The following ROBO2 variants were observed in gnomAD, a reference collection of about 807,000 sequenced individuals.
The protein encoded by ROBO2 is roundabout guidance receptor 2.
ROBO2 carries 53 observed loss-of-function variants against 160.8 expected under a neutral mutation model. The ratio of observed to expected loss-of-function variants is 0.33; its 90% CI spans 0.26 to 0.41. The LOEUF is 0.41. ROBO2 is among the 10% of genes least tolerant of loss of function. The probability of loss-of-function intolerance (pLI) is 1.00; values close to 1 mark genes in which losing one functional copy is unlikely to be tolerated. For synonymous variants in ROBO2, 664 were observed against 611.7 expected (o/e 1.09, Z -1.26); for missense variants, 1,577 against 1,722.4 (o/e 0.92, Z 1.49).
intron 2 of ROBO2, among the ~76,000 whole-genome samples, chr3:77,197,895 G>T (rs1255672734): frequency 6.6e-6 from 1 of 152,174 alleles, no homozygotes; most frequent in Non-Finnish European, 1.5e-5. Context: ...ATGGAAGGCA[G>T]GTCAGAGAGA....
At chr3:77,597,746 T>C (rs2094340479) in intron 19 of ROBO2, among the ~76,000 whole-genome samples, 1 of 152,194 alleles carries the variant, frequency 6.6e-6, no homozygotes, top group Non-Finnish European at 1.5e-5. Flanking sequence ...GAAGTTGCTG[T>C]ATTTTAAGTT....
At chr3:76,265,466 T>C (rs1044731827) in intron 2 of ROBO2, among the ~76,000 whole-genome samples, 1 of 152,178 alleles carries the variant, frequency 6.6e-6, no homozygotes, top group Non-Finnish European at 1.5e-5. Flanking sequence ...AATAAGAGCT[T>C]CCTTCTCTTG....
At chr3:76,451,020 AG>A (rs2077448938) in intron 2 of ROBO2, among the ~76,000 whole-genome samples, 1 of 152,246 alleles carries the variant, frequency 6.6e-6, no homozygotes, top group African/African-American at 2.4e-5. Flanking sequence ...ACGCCTTTCC[AG>A]GGAGGCTGTT....
intron 2 of ROBO2, among the ~76,000 whole-genome samples, chr3:76,046,463 C>G (rs182039517): frequency 1.3e-5 from 2 of 151,846 alleles, no homozygotes; most frequent in Non-Finnish European, 2.9e-5. Flanking sequence ...TCCCGGCTAA[C>G]GCGGTGAAGC....
chr3:76,347,486 C>T (rs1495575), intron 2 of ROBO2, among the ~76,000 whole-genome samples: 147,617 of 152,210 alleles, frequency 0.97, 71,737 homozygotes, highest in Middle Eastern at 1. Flanking sequence ...TTCAAAATAG[C>T]TTTATAAATA....
chr3:77,391,957 C>G (rs901760393), intron 2 of ROBO2, among the ~76,000 whole-genome samples: 9 of 152,104 alleles, frequency 5.9e-5, no homozygotes, highest in Non-Finnish European at 1.3e-4. Context: ...TCCCTTGAGA[C>G]TTAATATTTA....
intron 2 of ROBO2, among the ~76,000 whole-genome samples, chr3:76,961,564 A>G (rs2079664160): frequency 1.3e-5 from 2 of 152,174 alleles, no homozygotes; most frequent in African/African-American, 4.8e-5. Flanking sequence ...GGAAGTGAAC[A>G]CACAGTGGAA....
intron 2 of ROBO2, among the ~76,000 whole-genome samples, chr3:76,567,987 G>C (rs1175261621): frequency 6.7e-6 from 1 of 149,346 alleles, no homozygotes; most frequent in Non-Finnish European, 1.5e-5. Flanking sequence ...GATAATTTTT[G>C]TATTTTCAGT....
chr3:77,573,632 A>T (rs2093691066), intron 13 of ROBO2, among the ~76,000 whole-genome samples: 1 of 151,996 alleles, frequency 6.6e-6, no homozygotes, highest in African/African-American at 2.4e-5. Context: ...TAGCTCTACA[A>T]CTTTAATCTG....
chr3:76,307,593 AC>A (rs1480305360), intron 2 of ROBO2, among the ~76,000 whole-genome samples: 1 of 150,348 alleles, frequency 6.7e-6, no homozygotes, highest in Non-Finnish European at 1.5e-5. Context: ...AGCCACAACT[AC>A]CCCAAAATCC....
chr3:76,268,288 A>T (rs1707219163), intron 2 of ROBO2, among the ~76,000 whole-genome samples: 1 of 152,024 alleles, frequency 6.6e-6, no homozygotes, highest in African/African-American at 2.4e-5. Flanking sequence ...AGGGGAGGGG[A>T]GGAGAGGAGA....
At chr3:77,153,216 T>G (rs1389698018) in intron 2 of ROBO2, among the ~76,000 whole-genome samples, 1 of 152,168 alleles carries the variant, frequency 6.6e-6, no homozygotes, top group Non-Finnish European at 1.5e-5. Flanking sequence ...TGGTGCTGCC[T>G]GGGCCAGAGA....
intron 2 of ROBO2, among the ~76,000 whole-genome samples, chr3:76,467,437 T>C (rs1434476610): frequency 1.3e-5 from 2 of 152,116 alleles, no homozygotes; most frequent in Non-Finnish European, 2.9e-5. Flanking sequence ...TTTAGAAATA[T>C]GGCAGAAAGA....
chr3:76,154,670 A>G (rs1326388890), intron 2 of ROBO2, among the ~76,000 whole-genome samples: 2 of 152,146 alleles, frequency 1.3e-5, no homozygotes, highest in Admixed American at 6.6e-5. Flanking sequence ...ATTATATATA[A>G]AAAGAGAATC....
chr3:77,252,831 A>AAAAAAAAAAAAAATATATATATATATAT, intron 2 of ROBO2, among the ~76,000 whole-genome samples: 1 of 12,520 alleles, frequency 8.0e-5, no homozygotes, highest in Admixed American at 2.1e-3. Context: ...AAAAAAAAAA[A>AAAAAAAAAAAAAATATATATATATATAT]ATATATATAT....
intron 2 of ROBO2, among the ~76,000 whole-genome samples, chr3:77,418,739 G>A (rs2153529934): frequency 6.6e-6 from 1 of 152,144 alleles, no homozygotes; most frequent in African/African-American, 2.4e-5. Flanking sequence ...TTAAAGTACA[G>A]TACAAGAGAG....
intron 2 of ROBO2, among the ~76,000 whole-genome samples, chr3:76,981,848 C>T (rs550102761): frequency 1.3e-5 from 2 of 152,006 alleles, no homozygotes; most frequent in South Asian, 2.1e-4. Context: ...AGAGAGAGAG[C>T]GAGAGAGTGG....
intron 2 of ROBO2, among the ~76,000 whole-genome samples, chr3:76,571,618 G>A (rs2084962613): frequency 6.6e-6 from 1 of 152,056 alleles, no homozygotes; most frequent in Non-Finnish European, 1.5e-5. Flanking sequence ...ATAACATACA[G>A]TAGTTACATA....
chr3:76,147,943 C>T (rs1359523176), intron 2 of ROBO2, among the ~76,000 whole-genome samples: 3 of 151,890 alleles, frequency 2.0e-5, no homozygotes, highest in African/African-American at 4.8e-5. Flanking sequence ...ATAATGTTCA[C>T]GTTGTTATCT....
Sources: gnomAD v4.1 joint callset for allele counts (sites outside exome capture counted in the v4.1 genomes callset) on GRCh38, gnomAD v4.1.1 for gene constraint, MANE v1.5 for transcripts, NCBI Gene and HGNC (gene_info 2026-07-23, HGNC 2026-07-21) for gene names.